MAP3K7CL: variants seen among roughly 807,000 people sequenced by gnomAD.
MAP3K7CL encodes the protein MAP3K7 C-terminal-like protein.
In MAP3K7CL, 16 loss-of-function variants were observed where a neutral mutation model predicts 18.6. That is an observed-to-expected ratio of 0.86 (90% CI 0.58 to 1.31). The LOEUF (loss-of-function observed/expected upper bound fraction) is 1.31, where lower values mean the gene tolerates loss of function less well. Among genes scored for constraint, MAP3K7CL ranks in the 50% most tolerant of loss-of-function variants. The pLI is 0.00. For missense variants in MAP3K7CL, 163 were observed against 174.4 expected, an observed-to-expected ratio of 0.93 and a Z score of 0.37; for synonymous variants, 65 against 66.8, an observed-to-expected ratio of 0.97 and a Z score of 0.13.
chr21:29,091,374 G>A (rs2832168), intron 1 of MAP3K7CL: 227,864 of 529,920 alleles, frequency 0.43, 52,104 homozygotes, highest in South Asian at 0.53. Flanking sequence ...TTAGCCAGTT[G>A]ATTTTTAAGT....
chr21:29,101,363 G>GTTCAC (rs1436979906), intron 4 of MAP3K7CL, among the ~76,000 whole-genome samples: 2 of 152,184 alleles, frequency 1.3e-5, no homozygotes, highest in Non-Finnish European at 2.9e-5. Context: ...TTGGATCAAT[G>GTTCAC]TTCACCTGAA....
intron 4 of MAP3K7CL, among the ~76,000 whole-genome samples, chr21:29,107,177 A>G (rs1555873576): frequency 7.2e-5 from 11 of 152,118 alleles, no homozygotes; most frequent in Non-Finnish European, 1.6e-4. Context: ...TTAGTCGGGC[A>G]TGGTGGTGGA....
chr21:29,149,589 A>C lies in MAP3K7CL; in HGVS notation c.132+339A>C, dbSNP rs148559362. ...TTGCATTTTTGGCTTGTCTGGGGTT[A>C]GTGATTTAGTATTAAACTCTGCAGA... On this transcript the variant is annotated intron_variant, in intron 3 of 4. Transcript: ENST00000399928. 1.2e-3 allele frequency among the ~76,000 whole-genome samples: 188 copies of C among 152,294 alleles called. 1 individual carries two copies. The highest frequency in any genetic ancestry group is 3.4e-3 in the Middle Eastern group (1 of 294).
intron 3 of MAP3K7CL, among the ~76,000 whole-genome samples, chr21:29,155,555 A>G (rs951454092): frequency 2.0e-5 from 3 of 152,090 alleles, no homozygotes; most frequent in Non-Finnish European, 4.4e-5. Context: ...TCAGGCAGAG[A>G]GCAGAACAGC....
chr21:29,147,390 T>C (rs1219936307), intron 2 of MAP3K7CL, among the ~76,000 whole-genome samples: 1 of 151,982 alleles, frequency 6.6e-6, no homozygotes, highest in Non-Finnish European at 1.5e-5. Context: ...GTATATGTAC[T>C]GTACTGCATA....
intron 2 of MAP3K7CL, among the ~76,000 whole-genome samples, chr21:29,134,528 C>T (rs376023364): frequency 2.0e-5 from 3 of 152,132 alleles, no homozygotes; most frequent in South Asian, 4.1e-4. Flanking sequence ...GGATGTATTC[C>T]GTAGCAGGAA....
chr21:29,109,855 T>C lies in MAP3K7CL; in HGVS notation c.370+17274T>C, dbSNP rs2086389246. ...TGTAGACTCCCAGGAGTGGGATTTCTGGGTCAAAGGGTATGTTGAATTTGT... is the reference window on the plus strand; with the variant it reads ...TGTAGACTCCCAGGAGTGGGATTTCCGGGTCAAAGGGTATGTTGAATTTGT... On this transcript the variant is annotated intron_variant, in intron 4 of 6. Coordinates refer to the MAP3K7CL transcript ENST00000286791. The C allele has an allele frequency of 1.6e-5, 15 of 919,954 alleles. No homozygotes were observed. In the South Asian group the frequency reaches 7.0e-4, roughly 43 times the overall value. 57.0% of individuals were successfully genotyped at this position (919,954 alleles called of 1,614,324 possible). A position where few individuals can be genotyped will look rare whatever the true frequency, so the allele number is the denominator to read the frequency against.
intron 4 of MAP3K7CL, among the ~76,000 whole-genome samples, chr21:29,116,231 A>G (rs1260146852): frequency 6.6e-6 from 1 of 152,272 alleles, no homozygotes; most frequent in African/African-American, 2.4e-5. Flanking sequence ...GTCACTGAAC[A>G]AGCCATGAGA....
chr21:29,167,158 A>G (rs1018514420), intron 4 of MAP3K7CL, among the ~76,000 whole-genome samples: 2 of 152,200 alleles, frequency 1.3e-5, no homozygotes, highest in Non-Finnish European at 1.5e-5. Context: ...TAATGATGTT[A>G]CACAGGTTCT....
chr21:29,093,173 G>T (rs570053102), intron 4 of MAP3K7CL, among the ~76,000 whole-genome samples: 1 of 152,308 alleles, frequency 6.6e-6, no homozygotes, highest in East Asian at 1.9e-4. Context: ...CAAAGTGCTG[G>T]GATTACAGGC....
intron 4 of MAP3K7CL, among the ~76,000 whole-genome samples, chr21:29,099,246 G>A (rs2086177245): frequency 6.8e-6 from 1 of 147,052 alleles, no homozygotes; most frequent in African/African-American, 2.5e-5. Flanking sequence ...GTACACCACT[G>A]TACCCAGCTA....
chr21:29,109,471 C>T (rs1339492569), intron 4 of MAP3K7CL: 7 of 1,151,032 alleles, frequency 6.1e-6, no homozygotes, highest in African/African-American at 1.6e-5. Flanking sequence ...TCTCAGCATT[C>T]GGTTGTTCTC....
chr21:29,140,340 G>C (rs1016079853), intron 2 of MAP3K7CL, among the ~76,000 whole-genome samples: 2 of 152,212 alleles, frequency 1.3e-5, no homozygotes, highest in African/African-American at 4.8e-5. Context: ...AGAAAGGCCA[G>C]AAAGAAGGTG....
chr21:29,123,193 G>A (rs2086627134), intron 4 of MAP3K7CL, among the ~76,000 whole-genome samples: 1 of 151,482 alleles, frequency 6.6e-6, no homozygotes, highest in Non-Finnish European at 1.5e-5. Context: ...CTCTGAAGCA[G>A]CTGGGATTAC....
Position 29,159,968 on chromosome 21 carries a change from G to C in MAP3K7CL, c.160G>C (p.Glu54Gln). Reference sequence around the variant, plus strand: ...CCTGCCGCCTTGTCATGACTCCGAGGAATCCATGGAGGTGTTCAAACAGCA... The same window carrying C: ...CCTGCCGCCTTGTCATGACTCCGAGCAATCCATGGAGGTGTTCAAACAGCA... ...QPLPPCHDSE[E>Q]SMEVFKQHCQ... The change falls in exon 4 of 5, where the codon GAA (glutamate) becomes CAA (glutamine). Residue 54 changes from glutamate to glutamine, a missense_variant. Transcript: ENST00000399928. The C allele has an allele frequency of 6.2e-7, 1 of 1,613,892 alleles. No homozygotes were observed. The highest frequency in any genetic ancestry group is 8.5e-7 in the Non-Finnish European group (1 of 1,179,860).
rs138535527 is a variant in MAP3K7CL, at chr21:29,174,784, C to T, written c.321C>T (p.Phe107=). 3.2e-5 allele frequency: 52 copies of T among 1,613,952 alleles called. No individual in the cohort carries two copies. In the African/African-American group the frequency reaches 6.1e-4, roughly 19 times the overall value. ...ATGCTGCTGAGCTGGTTCGGGAATT[C>T]GAGGCTCTGACGGAGGAGAATCGGA... ...KVDAAELVRE[F]EALTEENRTL... Residue 107 remains phenylalanine (F), a synonymous_variant, in exon 5 of 5, where the codon TTC becomes TTT. Coordinates refer to ENST00000399928, the MANE Select transcript of MAP3K7CL (RefSeq NM_001286620.2).
At chr21:29,131,050 G>A (rs1373235700) in intron 1 of MAP3K7CL, 127 bp downstream of exon 1, 5 of 472,504 alleles carry the variant, frequency 1.1e-5, no homozygotes, top group African/African-American at 2.1e-5. Flanking sequence ...GTGATGAAAA[G>A]GCAAGTTGGT....
At chr21:29,136,613 C>T (rs1409817035) in intron 2 of MAP3K7CL, among the ~76,000 whole-genome samples, 6 of 152,108 alleles carry the variant, frequency 3.9e-5, no homozygotes. Flanking sequence ...CGACCTCCGC[C>T]TCCCTGAGGT....
At chr21:29,141,010 C>T (rs1396723337) in intron 2 of MAP3K7CL, among the ~76,000 whole-genome samples, 1 of 152,116 alleles carries the variant, frequency 6.6e-6, no homozygotes, top group Non-Finnish European at 1.5e-5. Context: ...CTCCTGGGCT[C>T]AAGCAATCCA....
Sources: gnomAD v4.1 joint callset for allele counts (sites outside exome capture counted in the v4.1 genomes callset) on GRCh38, gnomAD v4.1.1 for gene constraint, MANE v1.5 for transcripts, NCBI Gene and HGNC (gene_info 2026-07-23, HGNC 2026-07-21) for gene names.